Variants in ZNF407 observed in about 807,000 individuals in gnomAD.
ZNF407 encodes the protein zinc finger protein 407.
A neutral mutation model predicts 131.2 loss-of-function variants in ZNF407; 17 were observed. The ratio of observed to expected loss-of-function variants is 0.13; its 90% CI spans 0.09 to 0.19. The LOEUF (loss-of-function observed/expected upper bound fraction) is 0.19. Among genes scored for constraint, ZNF407 ranks in the 10% least tolerant of loss-of-function variants. The pLI, the probability that ZNF407 is intolerant of heterozygous loss-of-function variation, is 1.00. For synonymous variants in ZNF407, 1,156 were observed against 1,062.0 expected (o/e 1.09, Z -1.72); for missense variants, 2,681 against 2,830.6 (o/e 0.95, Z 1.20).
intron 8 of ZNF407, among the ~76,000 whole-genome samples, chr18:74,971,285 T>G (rs1972469272): frequency 6.6e-6 from 1 of 152,256 alleles, no homozygotes; most frequent in South Asian, 2.1e-4. Flanking sequence ...TGTTTGCTAC[T>G]TACGCAAATT....
chr18:74,816,797 C>T (rs563472469), intron 4 of ZNF407, among the ~76,000 whole-genome samples: 29 of 152,036 alleles, frequency 1.9e-4, no homozygotes, highest in Middle Eastern at 3.4e-3. Flanking sequence ...TCAATATTTG[C>T]GTCAATAAAG....
In ZNF407 at chr18:74,881,076, C is replaced by T. The variant is rs34940122; in HGVS notation, c.5085C>T (p.Gly1695=). The T allele has an allele frequency of 3.9e-3, 6,003 of 1,557,046 alleles. 208 individuals are homozygous for T. In the African/African-American group the frequency reaches 0.069, roughly 18 times the overall value. The change falls in exon 6 of 9, where the codon GGC becomes GGT. Residue 1695 remains glycine, a synonymous_variant. Transcript: ENST00000299687. The part of the protein sequence containing the change: ...SFLCDLCGFA[G]GTRHALTKHR... ...TGTGTGACCTCTGCGGCTTTGCCGG[C>T]GGGACCCGCCACGCCCTCACCAAGC...
At chr18:74,911,107 T>G (rs1971664552) in intron 7 of ZNF407, among the ~76,000 whole-genome samples, 1 of 152,220 alleles carries the variant, frequency 6.6e-6, no homozygotes, top group Non-Finnish European at 1.5e-5. Flanking sequence ...CCTCTAATTG[T>G]TTTTAGTACA....
chr18:74,771,321 C>T (rs1333488612), intron 3 of ZNF407, among the ~76,000 whole-genome samples: 1 of 151,922 alleles, frequency 6.6e-6, no homozygotes, highest in Non-Finnish European at 1.5e-5. Context: ...TAGTTTTCCC[C>T]CTTTGTTTGT....
chr18:74,766,215 G>C (rs1056437980), intron 3 of ZNF407, among the ~76,000 whole-genome samples: 1 of 152,196 alleles, frequency 6.6e-6, no homozygotes, highest in Non-Finnish European at 1.5e-5. Context: ...AGGGCAGGCA[G>C]TTGAGAAGTG....
chr18:74,651,559 C>A (rs543680233), intron 3 of ZNF407, among the ~76,000 whole-genome samples: 1 of 151,996 alleles, frequency 6.6e-6, no homozygotes, highest in South Asian at 2.1e-4. Context: ...TGACAGTCAT[C>A]GACAGAGAAT....
At chr18:74,934,990 A>G (rs1415648700) in intron 8 of ZNF407, among the ~76,000 whole-genome samples, 11 of 152,222 alleles carry the variant, frequency 7.2e-5, no homozygotes, top group African/African-American at 2.7e-4. Context: ...ATGCCAGTAG[A>G]TGCTGCTCTT....
Position 74,713,757 on chromosome 18 carries a change from T to A in ZNF407, c.4803-67671T>A, listed in dbSNP as rs573476665. 2.0e-5 allele frequency among the ~76,000 whole-genome samples: 3 copies of A among 152,328 alleles called. No homozygotes were observed. In the South Asian group the frequency reaches 6.2e-4, roughly 32 times the overall value. On this transcript the variant is annotated intron_variant, in intron 3 of 8. Transcript: ENST00000299687. ...TAGCCTATATTCCTTACTGTTTTTTTAAATTACTATTGGGTATTTGACAGT... is the reference window on the plus strand; with the variant it reads ...TAGCCTATATTCCTTACTGTTTTTTAAAATTACTATTGGGTATTTGACAGT...
In ZNF407 at chr18:75,008,548, G is replaced by A. The variant is rs190418062; in HGVS notation, c.5429-54602G>A. 1.9e-3 allele frequency among the ~76,000 whole-genome samples: 293 copies of A among 152,276 alleles called. 3 individuals carry two copies. The highest frequency in any genetic ancestry group is 4.8e-3 in the Admixed American group (73 of 15,306). On this transcript the variant is annotated intron_variant, in intron 8 of 8. Transcript: ENST00000299687. The stretch of plus-strand genomic sequence containing the variant: ...TCATAAATGTTTTCATTTTAACAGC[G>A]TTGCAAATATGGTTGCAAAAAAGCT...
intron 8 of ZNF407, among the ~76,000 whole-genome samples, chr18:74,982,998 T>C (rs1019576264): frequency 6.6e-6 from 1 of 152,218 alleles, no homozygotes; most frequent in African/African-American, 2.4e-5. Flanking sequence ...ATTTTCCTAA[T>C]AATGCTGCTA....
At chr18:75,029,013 A>T (rs1245064733) in intron 8 of ZNF407, among the ~76,000 whole-genome samples, 1 of 152,228 alleles carries the variant, frequency 6.6e-6, no homozygotes, top group Non-Finnish European at 1.5e-5. Context: ...CTGTATGTTC[A>T]GGTGCCTTTG....
At position 74,663,565 on chromosome 18, in the gene ZNF407, G is replaced by A. The variant is rs373993215; in HGVS notation, c.4802+22443G>A. ...GGCTCGACACCACATATTACGTGTG[G>A]GGAACTGGGAAATTTCACGATAACA... On this transcript the variant is annotated intron_variant, in intron 3 of 8. Transcript: ENST00000299687. 5.3e-5 allele frequency among the ~76,000 whole-genome samples: 8 copies of A among 152,260 alleles called. No individual in the cohort carries two copies. In the East Asian group the frequency reaches 7.7e-4, roughly 15 times the overall value.
intron 7 of ZNF407, among the ~76,000 whole-genome samples, chr18:74,892,352 T>C (rs1971397175): frequency 6.6e-6 from 1 of 152,122 alleles, no homozygotes; most frequent in South Asian, 2.1e-4. Flanking sequence ...CCACTTTCTG[T>C]TTTGTAAATT....
Position 74,633,134 on chromosome 18 carries a change from T to C in ZNF407, c.2115T>C (p.Phe705=). The C allele has an allele frequency of 1.2e-6, 2 of 1,613,250 alleles. No individual in the cohort carries two copies. Among genetic ancestry groups the C allele is most frequent in the South Asian group, 1.1e-5 (1 of 90,858 alleles). ...NEVRHSSKPQ[F]QCKKCFYKTR... ...TGAGGCATTCCAGTAAGCCTCAGTT[T>C]CAGTGTAAGAAGTGTTTTTATAAAA... Residue 705 remains phenylalanine (F), a synonymous_variant, in exon 2 of 9, where the codon TTT becomes TTC. Transcript: ENST00000299687.
chr18:74,637,598 G>A (rs1429050311), intron 2 of ZNF407, among the ~76,000 whole-genome samples: 1 of 151,918 alleles, frequency 6.6e-6, no homozygotes, highest in African/African-American at 2.4e-5. Flanking sequence ...GACACAATAC[G>A]AGTCTACCAT....
chr18:74,626,049 A>G (rs1473667275), intron 1 of ZNF407, among the ~76,000 whole-genome samples: 1 of 152,276 alleles, frequency 6.6e-6, no homozygotes, highest in Non-Finnish European at 1.5e-5. Context: ...AAGGATTTAT[A>G]TCCAGAATAC....
chr18:74,796,030 A>T (rs1969913418), intron 4 of ZNF407, among the ~76,000 whole-genome samples: 1 of 152,254 alleles, frequency 6.6e-6, no homozygotes, highest in Non-Finnish European at 1.5e-5. Flanking sequence ...CATTGAGAGC[A>T]TGCAAATCGG....
intron 8 of ZNF407, among the ~76,000 whole-genome samples, chr18:75,029,774 A>C (rs976056308): frequency 1.3e-5 from 2 of 152,218 alleles, no homozygotes; most frequent in African/African-American, 4.8e-5. Flanking sequence ...CATTGTCAAC[A>C]TGCGTGAGTA....
intron 3 of ZNF407, among the ~76,000 whole-genome samples, chr18:74,720,278 A>C (rs1349646580): frequency 6.6e-6 from 1 of 151,432 alleles, no homozygotes; most frequent in Non-Finnish European, 1.5e-5. Flanking sequence ...GATGTTGAAC[A>C]GTTTTTCTTA....
Sources: allele counts gnomAD v4.1 joint callset (sites outside exome capture counted in the v4.1 genomes callset), GRCh38; gene constraint gnomAD v4.1.1; transcripts MANE v1.5; gene names NCBI Gene and HGNC (gene_info 2026-07-23, HGNC 2026-07-21).